The following LRCH1 variants were observed in gnomAD, a reference collection of about 807,000 sequenced individuals.
LRCH1 encodes the protein leucine rich repeats and calponin homology domain containing 1, also known as leucine-rich repeat and calponin homology domain-containing protein 1.
In LRCH1, 23 loss-of-function variants were observed where a neutral mutation model predicts 94.9. The observed-to-expected ratio is 0.24, with a 90% CI of 0.17 to 0.34. LRCH1 has a LOEUF of 0.34. Among genes scored for constraint, LRCH1 ranks in the 10% least tolerant of loss-of-function variants. The pLI is 1.00. For synonymous variants in LRCH1, 364 were observed against 354.9 expected (o/e 1.03, Z -0.29); for missense variants, 790 against 945.9 (o/e 0.84, Z 2.16).
rs1163210747 is a variant in LRCH1 at position 46,743,625 on chromosome 13, A to G, written c.*1777A>G. 21 of 985,306 alleles carry G rather than the reference A, an allele frequency of 2.1e-5. No individual in the cohort carries two copies. Among genetic ancestry groups the G allele is most frequent in the African/African-American group, 3.5e-5 (2 of 57,220 alleles). The allele number at this position is 985,306 out of a possible 1,614,324, so 61.0% of individuals were successfully genotyped here. ...CAAGTTTTTATCAGCCCATTGATAC[A>G]TGTATTCATGAGCTCTCAGCATTCC... On this transcript the variant is annotated 3_prime_UTR_variant, in exon 20 of 20. Transcript: ENST00000389797.
chr13:46,704,353 A>G (rs978377152), intron 11 of LRCH1, among the ~76,000 whole-genome samples: 25 of 152,108 alleles, frequency 1.6e-4, no homozygotes, highest in African/African-American at 6.0e-4. Flanking sequence ...GTGGGATTAA[A>G]TTTTTCAAGT....
At chr13:46,585,813 G>A (rs973221388) in intron 1 of LRCH1, among the ~76,000 whole-genome samples, 1 of 151,112 alleles carries the variant, frequency 6.6e-6, no homozygotes, top group Non-Finnish European at 1.5e-5. Context: ...TGTAATTACG[G>A]TACTAAGAAA....
chr13:46,595,737 A>C (rs1261340739), intron 1 of LRCH1, among the ~76,000 whole-genome samples: 1 of 152,210 alleles, frequency 6.6e-6, no homozygotes, highest in Non-Finnish European at 1.5e-5. Flanking sequence ...CCTGACAGGA[A>C]TAAACTCAAG....
chr13:46,583,513 A>G (rs1025666897), intron 1 of LRCH1, among the ~76,000 whole-genome samples: 1 of 152,234 alleles, frequency 6.6e-6, no homozygotes, highest in African/African-American at 2.4e-5. Context: ...CACTCTGTGA[A>G]CATATGGCTC....
chr13:46,721,450 T>A (rs1052690637), intron 16 of LRCH1, among the ~76,000 whole-genome samples: 1 of 152,180 alleles, frequency 6.6e-6, no homozygotes, highest in African/African-American at 2.4e-5. Context: ...TATGTCTCTT[T>A]TTTGGTGTTG....
chr13:46,684,216 T>C (rs980010650), intron 4 of LRCH1, among the ~76,000 whole-genome samples: 1 of 148,900 alleles, frequency 6.7e-6, no homozygotes, highest in African/African-American at 2.5e-5. Context: ...CTTCTGCTTC[T>C]TTTTTTTCTT....
chr13:46,627,112 G>A (rs962210237), intron 1 of LRCH1, among the ~76,000 whole-genome samples: 5 of 152,166 alleles, frequency 3.3e-5, no homozygotes, highest in East Asian at 1.9e-4. Flanking sequence ...ACTCATAGAT[G>A]TACTACTTGG....
chr13:46,605,030 A>G (rs1159675462), intron 1 of LRCH1, among the ~76,000 whole-genome samples: 4 of 152,216 alleles, frequency 2.6e-5, no homozygotes, highest in Non-Finnish European at 4.4e-5. Context: ...GCCAGTTCTT[A>G]AAGAAATTGA....
chr13:46,598,523 AAATTT>A (rs1161315156), intron 1 of LRCH1, among the ~76,000 whole-genome samples: 10 of 151,878 alleles, frequency 6.6e-5, no homozygotes, highest in African/African-American at 2.2e-4. Context: ...TAATTTCAAT[AAATTT>A]AAGGGGAAAA....
chr13:46,636,886 CTCTTCTCTAA>C (rs769293379), intron 1 of LRCH1, among the ~76,000 whole-genome samples: 80 of 152,148 alleles, frequency 5.3e-4, no homozygotes, highest in Non-Finnish European at 1.0e-3. Context: ...GTGCATGGCC[CTCTTCTCTAA>C]TCTTCACTCA....
Position 46,553,570 on chromosome 13 carries a change from C to T in LRCH1, c.174C>T (p.Pro58=). Residue 58 remains proline, a synonymous_variant, in exon 1 of 20, where the codon CCC becomes CCT. Coordinates refer to ENST00000389797, the MANE Select transcript of LRCH1 (RefSeq NM_001164211.2). ...GGGGSGGFNL[P]LNRGLERALE... is the part of the protein sequence containing the mutation. Reference sequence around the variant, plus strand: ...GTGGCAGCGGGGGCTTCAACCTGCCCTTGAACCGGGGTCTGGAGCGCGCGC... The same window carrying T: ...GTGGCAGCGGGGGCTTCAACCTGCCTTTGAACCGGGGTCTGGAGCGCGCGC... 6.5e-7 allele frequency: 1 copy of T among 1,550,028 alleles called. No individual in the cohort carries two copies. The highest frequency in any genetic ancestry group is 1.2e-5 in the South Asian group (1 of 84,068).
intron 16 of LRCH1, among the ~76,000 whole-genome samples, chr13:46,722,724 A>T (rs959604089): frequency 2.0e-5 from 3 of 152,180 alleles, no homozygotes; most frequent in Non-Finnish European, 2.9e-5. Flanking sequence ...TTTCCACCAC[A>T]CCCTCAAATA....
intron 1 of LRCH1, among the ~76,000 whole-genome samples, chr13:46,582,718 C>CT (rs1359121635): frequency 7.8e-6 from 1 of 127,398 alleles, no homozygotes; most frequent in Non-Finnish European, 1.6e-5. Flanking sequence ...CCAGGCTGGT[C>CT]TTGAACTTCT....
intron 13 of LRCH1, among the ~76,000 whole-genome samples, chr13:46,711,092 C>T (rs1872038860): frequency 6.6e-6 from 1 of 152,116 alleles, no homozygotes; most frequent in Non-Finnish European, 1.5e-5. Context: ...CAGATTTTAT[C>T]TCCATGCCCC....
downstream of LRCH1, among the ~76,000 whole-genome samples, chr13:46,745,506 T>G (rs1490868255): frequency 6.6e-6 from 1 of 151,794 alleles, no homozygotes; most frequent in African/African-American, 2.4e-5. Context: ...GGAGAGGGAC[T>G]AGGGTTGAGG....
intron 8 of LRCH1, 112 bp downstream of exon 8, chr13:46,692,753 G>A: frequency 2.8e-6 from 2 of 723,428 alleles, no homozygotes; most frequent in Non-Finnish European, 4.6e-6. Flanking sequence ...TATGTCCTAT[G>A]TACCAGGTAC....
intron 1 of LRCH1, among the ~76,000 whole-genome samples, chr13:46,642,539 C>G (rs1483417785): frequency 2.0e-5 from 3 of 152,216 alleles, no homozygotes; most frequent in African/African-American, 7.2e-5. Context: ...ATGGACAACT[C>G]AAAATACGCA....
chr13:46,691,379 AC>A (rs1348111768), intron 7 of LRCH1, among the ~76,000 whole-genome samples: 53 of 152,354 alleles, frequency 3.5e-4, no homozygotes, highest in Admixed American at 2.7e-3. Flanking sequence ...GTTCTTTTTA[AC>A]TACTACAGTT....
At chr13:46,697,941 A>T (rs540848355) in intron 9 of LRCH1, among the ~76,000 whole-genome samples, 1 of 152,308 alleles carries the variant, frequency 6.6e-6, no homozygotes, top group East Asian at 1.9e-4. Flanking sequence ...AAAAAGAAAT[A>T]CCCTTTGCTT....
Sources: allele counts gnomAD v4.1 joint callset (sites outside exome capture counted in the v4.1 genomes callset), GRCh38; gene constraint gnomAD v4.1.1; transcripts MANE v1.5; gene names NCBI Gene and HGNC (gene_info 2026-07-23, HGNC 2026-07-21).